Variants in ROBO2 observed in about 807,000 individuals in gnomAD.
ROBO2 encodes roundabout homolog 2.
A neutral mutation model predicts 160.8 loss-of-function variants in ROBO2; 53 were observed. The observed-to-expected ratio is 0.33, with a 90% CI of 0.26 to 0.41. ROBO2 has a LOEUF of 0.41. Among genes scored for constraint, ROBO2 ranks in the 10% least tolerant of loss-of-function variants. ROBO2 has a pLI of 1.00. For missense variants in ROBO2, 1,577 were observed against 1,722.4 expected (o/e 0.92, Z 1.49); for synonymous variants, 664 against 611.7 (o/e 1.09, Z -1.26).
At chr3:77,599,503 G>C (rs1287142221) in intron 19 of ROBO2, among the ~76,000 whole-genome samples, 1 of 132,766 alleles carries the variant, frequency 7.5e-6, no homozygotes, top group Admixed American at 7.7e-5. Flanking sequence ...GTTGTGGGGT[G>C]GGGGGAGGGG....
chr3:76,361,296 T>C (rs2075505578), intron 2 of ROBO2, among the ~76,000 whole-genome samples: 2 of 152,098 alleles, frequency 1.3e-5, no homozygotes, highest in Admixed American at 1.3e-4. Context: ...TTAGATGCCA[T>C]GTGTGCTTTT....
chr3:77,112,015 C>T (rs1477088475), intron 2 of ROBO2, among the ~76,000 whole-genome samples: 4 of 151,716 alleles, frequency 2.6e-5, no homozygotes, highest in East Asian at 2.0e-4. Flanking sequence ...CGTTCAAGAC[C>T]AGCCTGGGCA....
At chr3:77,181,018 T>A (rs1046344663) in intron 2 of ROBO2, among the ~76,000 whole-genome samples, 3 of 152,086 alleles carry the variant, frequency 2.0e-5, no homozygotes, top group Admixed American at 2.0e-4. Context: ...AATTTGCACC[T>A]ACTTATTATT....
chr3:76,847,257 TG>T (rs1396561275), intron 2 of ROBO2, among the ~76,000 whole-genome samples: 1 of 152,120 alleles, frequency 6.6e-6, no homozygotes, highest in Non-Finnish European at 1.5e-5. Context: ...TTGAAGGGCA[TG>T]GGGCAGTGCT....
intron 2 of ROBO2, among the ~76,000 whole-genome samples, chr3:77,137,555 T>A (rs2076378250): frequency 6.6e-6 from 1 of 152,198 alleles, no homozygotes; most frequent in African/African-American, 2.4e-5. Flanking sequence ...CACATTTAAT[T>A]TGTCTTTAAT....
At chr3:76,925,545 A>T (rs9856085) in intron 2 of ROBO2, among the ~76,000 whole-genome samples, 69,968 of 151,996 alleles carry the variant, frequency 0.46, 16,504 homozygotes, top group African/African-American at 0.56. Flanking sequence ...CTGGAAAAAA[A>T]TACTTAAACA....
intron 2 of ROBO2, among the ~76,000 whole-genome samples, chr3:77,456,614 G>A (rs1170158557): frequency 5.9e-5 from 9 of 152,140 alleles, no homozygotes. Context: ...AAGTGCCAAG[G>A]CAGCCATCCA....
chr3:76,540,749 A>G lies in ROBO2; in HGVS notation c.110-557265A>G, dbSNP rs958925163. ...GGCCTTGACATAAGAAATAGAAAAA[A>G]AGAAAAGTTTGTTATTTTTAATTTG... On this transcript the variant is annotated intron_variant, in intron 2 of 26. Coordinates refer to the ROBO2 transcript ENST00000487694. Among the ~76,000 whole-genome samples the G allele has an allele frequency of 3.3e-5, 5 of 152,108 alleles. No homozygotes were observed. In the East Asian group the frequency reaches 7.7e-4, roughly 23 times the overall value.
At chr3:77,595,278 C>A in intron 18 of ROBO2, 94 bp downstream of exon 19, 1 of 970,844 alleles carries the variant, frequency 1.0e-6, no homozygotes, top group Non-Finnish European at 1.6e-6. Flanking sequence ...TAAATGATCA[C>A]TTAAAAGTCT....
At chr3:77,041,421 C>A (rs2064081219) in intron 1 of ROBO2, among the ~76,000 whole-genome samples, 1 of 152,194 alleles carries the variant, frequency 6.6e-6, no homozygotes, top group Admixed American at 6.5e-5. Flanking sequence ...AAGGGGGAAG[C>A]ATCAGCTATG....
intron 2 of ROBO2, among the ~76,000 whole-genome samples, chr3:76,794,516 G>A (rs1038097916): frequency 6.6e-6 from 1 of 151,876 alleles, no homozygotes; most frequent in African/African-American, 2.4e-5. Flanking sequence ...TTGGGATAAA[G>A]CTGTATGGGT....
At chr3:77,378,984 G>A (rs2073071759) in intron 2 of ROBO2, among the ~76,000 whole-genome samples, 2 of 148,432 alleles carry the variant, frequency 1.3e-5, no homozygotes, top group South Asian at 2.1e-4. Flanking sequence ...TTTCGCTCTT[G>A]TTGCCCAGGC....
chr3:77,242,686 G>T (rs139120546), intron 2 of ROBO2, among the ~76,000 whole-genome samples: 19 of 152,074 alleles, frequency 1.2e-4, no homozygotes, highest in African/African-American at 4.6e-4. Context: ...AATGTAGAAG[G>T]AAGAACAGGA....
chr3:77,397,922 GA>G (rs1209584976), intron 2 of ROBO2, among the ~76,000 whole-genome samples: 1 of 151,856 alleles, frequency 6.6e-6, no homozygotes, highest in Non-Finnish European at 1.5e-5. Flanking sequence ...GAGCAACAAA[GA>G]AAAAGAAGAG....
intron 2 of ROBO2, among the ~76,000 whole-genome samples, chr3:76,587,777 C>A (rs1021363247): frequency 2.6e-5 from 4 of 152,176 alleles, no homozygotes; most frequent in Admixed American, 1.3e-4. Context: ...ATATTTTTCT[C>A]CAAGTCATGC....
At chr3:77,064,360 A>AAC (rs1295323138) in intron 1 of ROBO2, among the ~76,000 whole-genome samples, 2 of 59,660 alleles carry the variant, frequency 3.4e-5, no homozygotes, top group East Asian at 8.4e-4. Context: ...ACTTGGATGT[A>AAC]TCTTTTTTTT....
At chr3:77,563,281 G>C in exon 11 of ROBO2, 1 of 1,613,624 alleles carries the variant, frequency 6.2e-7, no homozygotes, top group South Asian at 1.1e-5. Flanking sequence ...TGGCAGCCAG[G>C]TACCCCTGGA....
chr3:77,114,306 A>G (rs1237599307), intron 2 of ROBO2, among the ~76,000 whole-genome samples: 1 of 152,218 alleles, frequency 6.6e-6, no homozygotes, highest in East Asian at 1.9e-4. Flanking sequence ...GGTATCATGT[A>G]TATTTTGTTT....
intron 2 of ROBO2, among the ~76,000 whole-genome samples, chr3:76,026,946 G>A (rs1007941034): frequency 2.0e-5 from 3 of 151,902 alleles, no homozygotes; most frequent in African/African-American, 4.8e-5. Flanking sequence ...CCCTCTTCAA[G>A]GATCTCTGAC....
Sources: gnomAD v4.1 joint callset for allele counts (sites outside exome capture counted in the v4.1 genomes callset) on GRCh38, gnomAD v4.1.1 for gene constraint, MANE v1.5 for transcripts, NCBI Gene and HGNC (gene_info 2026-07-23, HGNC 2026-07-21) for gene names.